The following KALRN variants were observed in gnomAD, a reference collection of about 807,000 sequenced individuals.
KALRN encodes the protein kalirin.
Under a neutral mutation model 353.7 loss-of-function variants are expected in KALRN, and 70 were observed. The observed-to-expected ratio is 0.20, with a 90% CI of 0.16 to 0.24. The LOEUF is 0.24. KALRN is among the 10% of genes least tolerant of loss of function. The pLI, the probability that KALRN is intolerant of heterozygous loss-of-function variation, is 1.00. For missense variants in KALRN, 2,791 were observed against 3,756.7 expected, an observed-to-expected ratio of 0.74 and a Z score of 6.72; for synonymous variants, 1,391 against 1,434.8, an observed-to-expected ratio of 0.97 and a Z score of 0.69.
At chr3:124,402,918 C>G (rs2091050506) in intron 13 of KALRN, among the ~76,000 whole-genome samples, 1 of 152,182 alleles carries the variant, frequency 6.6e-6, no homozygotes, top group South Asian at 2.1e-4. Flanking sequence ...TTCTCTTGTG[C>G]TTTCATGATT....
At chr3:124,556,649 T>G (rs910368954) in intron 33 of KALRN, among the ~76,000 whole-genome samples, 2 of 152,222 alleles carry the variant, frequency 1.3e-5, no homozygotes, top group African/African-American at 4.8e-5. Context: ...CTCAAAGTGT[T>G]ACACCTCCTT....
chr3:124,393,897 T>G (rs2089821047), intron 11 of KALRN, among the ~76,000 whole-genome samples: 1 of 152,240 alleles, frequency 6.6e-6, no homozygotes, highest in Non-Finnish European at 1.5e-5. Context: ...GTCCAAAATC[T>G]TGAAGACTAT....
chr3:124,158,746 G>A (rs897243429), intron 1 of KALRN, among the ~76,000 whole-genome samples: 5 of 152,164 alleles, frequency 3.3e-5, no homozygotes, highest in African/African-American at 9.7e-5. Context: ...GGAAGATTAC[G>A]GCAATGGATG....
chr3:124,509,207 A>T (rs1388336978), intron 33 of KALRN, among the ~76,000 whole-genome samples: 1 of 152,062 alleles, frequency 6.6e-6, no homozygotes, highest in African/African-American at 2.4e-5. Context: ...GGCATCTCTT[A>T]CATTTTGTAT....
intron 1 of KALRN, chr3:124,133,156 T>C (rs1481115014): frequency 6.6e-6 from 1 of 152,100 alleles, no homozygotes; most frequent in Non-Finnish European, 1.5e-5. Context: ...AATTTAAAAA[T>C]TAAAAAAAAT....
At chr3:124,323,172 T>A (rs2079524073) in intron 6 of KALRN, among the ~76,000 whole-genome samples, 1 of 152,190 alleles carries the variant, frequency 6.6e-6, no homozygotes, top group African/African-American at 2.4e-5. Flanking sequence ...TTAGTTTTAA[T>A]CTATGATCAC....
At chr3:124,348,346 C>T (rs115121199) in intron 10 of KALRN, among the ~76,000 whole-genome samples, 2,793 of 152,314 alleles carry the variant, frequency 0.018, 48 homozygotes, top group Non-Finnish European at 0.032. Flanking sequence ...AGGCTCCCAG[C>T]CCCAGACAGA....
chr3:124,562,628 ATTTTT>A, intron 33 of KALRN: 1 of 367,918 alleles, frequency 2.7e-6, no homozygotes, highest in South Asian at 2.2e-5. Context: ...TGCTAATTAC[ATTTTT>A]TTCTTGTTTT....
intron 14 of KALRN, among the ~76,000 whole-genome samples, chr3:124,415,848 C>T (rs1251575473): frequency 1.3e-5 from 2 of 152,170 alleles, no homozygotes; most frequent in Non-Finnish European, 2.9e-5. Context: ...AATTGCTGGC[C>T]TTATCCCAGA....
At chr3:124,343,509 T>G in intron 9 of KALRN, among the ~76,000 whole-genome samples, 1 of 152,196 alleles carries the variant, frequency 6.6e-6, no homozygotes, top group Non-Finnish European at 1.5e-5. Flanking sequence ...TTTATCCTCC[T>G]TGCAGCCCTT....
intron 33 of KALRN, among the ~76,000 whole-genome samples, chr3:124,513,868 ACCG>A (rs1358404842): frequency 6.6e-6 from 1 of 152,126 alleles, no homozygotes; most frequent in Admixed American, 6.5e-5. Context: ...CTCATCGCTG[ACCG>A]CTCAGCCAGC....
At chr3:124,407,648 G>A (rs994620420) in intron 13 of KALRN, 3 of 151,904 alleles carry the variant, frequency 2.0e-5, no homozygotes, top group Admixed American at 2.0e-4. Context: ...TGGCAGAGTC[G>A]GTTTAAAAAA....
intron 5 of KALRN, among the ~76,000 whole-genome samples, chr3:124,296,931 C>T (rs765902454): frequency 6.6e-6 from 1 of 152,228 alleles, no homozygotes. Context: ...GTGAGGTGGC[C>T]TCTTCTGTGC....
intron 10 of KALRN, among the ~76,000 whole-genome samples, chr3:124,347,956 G>T: frequency 6.6e-6 from 1 of 152,164 alleles, no homozygotes; most frequent in South Asian, 2.1e-4. Context: ...CTGACCATTT[G>T]TCTAATAGTA....
At chr3:124,581,588 G>GT (rs1406464678) in intron 34 of KALRN, among the ~76,000 whole-genome samples, 2 of 152,140 alleles carry the variant, frequency 1.3e-5, no homozygotes, top group Non-Finnish European at 2.9e-5. Context: ...GTGATCCAGT[G>GT]TTATCTGAAC....
intron 3 of KALRN, among the ~76,000 whole-genome samples, chr3:124,243,712 C>A (rs62262789): frequency 0.01 from 1,525 of 152,258 alleles, 44 homozygotes; most frequent in Admixed American, 0.046. Flanking sequence ...CCAGAATCCT[C>A]CCCTCTGGGA....
chr3:124,438,397 G>T (rs2093552920), intron 17 of KALRN, among the ~76,000 whole-genome samples: 1 of 152,156 alleles, frequency 6.6e-6, no homozygotes, highest in Middle Eastern at 3.4e-3. Flanking sequence ...TTCCCCAGGG[G>T]AGGAAAAAGA....
intron 1 of KALRN, among the ~76,000 whole-genome samples, chr3:124,048,811 A>T (rs186973344): frequency 6.6e-6 from 1 of 152,284 alleles, no homozygotes; most frequent in Admixed American, 6.5e-5. Flanking sequence ...GTTGTGTTAC[A>T]TTCTGTTGTG....
chr3:124,116,324 T>C (rs2063455935), intron 1 of KALRN, among the ~76,000 whole-genome samples: 2 of 152,242 alleles, frequency 1.3e-5, no homozygotes. Context: ...TGATAATGGT[T>C]GTATTATCAC....
Sources: allele counts gnomAD v4.1 joint callset (sites outside exome capture counted in the v4.1 genomes callset), GRCh38; gene constraint gnomAD v4.1.1; transcripts MANE v1.5; gene names NCBI Gene and HGNC (gene_info 2026-07-23, HGNC 2026-07-21).